CACFD1: variants seen among roughly 807,000 people sequenced by gnomAD.
CACFD1 encodes calcium channel flower homolog.
In CACFD1, 26 loss-of-function variants were observed where a neutral mutation model predicts 21.3. The observed-to-expected ratio is 1.22, with a 90% CI of 0.89 to 1.69. The LOEUF is 1.69. CACFD1 is among the 40% of genes most tolerant of loss of function. The probability of loss-of-function intolerance (pLI) is 0.00; values close to 1 mark genes in which losing one functional copy is unlikely to be tolerated. For synonymous variants in CACFD1, 121 were observed against 106.6 expected, an observed-to-expected ratio of 1.13 and a Z score of -0.83; for missense variants, 265 against 236.2, an observed-to-expected ratio of 1.12 and a Z score of -0.80.
In CACFD1 at chr9:133,461,344, C is replaced by T. The variant is rs182903379; in HGVS notation, c.121+1157C>T. Among the ~76,000 whole-genome samples the T allele has an allele frequency of 6.6e-5, 10 of 152,316 alleles. No homozygotes were observed. In the East Asian group the frequency reaches 7.7e-4, roughly 12 times the overall value. On this transcript the variant is annotated intron_variant, in intron 1 of 4. Transcript: ENST00000316948. ...TGCCCTTATCCAGAGGCAACGGATACGGTAGGGCAGGCCCTACCCCCAAAT... is the reference window on the plus strand; with the variant it reads ...TGCCCTTATCCAGAGGCAACGGATATGGTAGGGCAGGCCCTACCCCCAAAT...
rs187031873 is a variant in CACFD1, at chr9:133,466,188, C to T, written c.320+741C>T. On this transcript the variant is annotated intron_variant, in intron 3 of 4. Coordinates refer to ENST00000316948, the MANE Select transcript of CACFD1 (RefSeq NM_017586.5). Reference sequence around the variant, plus strand: ...GCCATCTTGTGCCATATCTAAATCACGAAGAACACAGGATCACAAAGCTCT... The same window carrying T: ...GCCATCTTGTGCCATATCTAAATCATGAAGAACACAGGATCACAAAGCTCT... Among the ~76,000 whole-genome samples, 14 of 152,200 alleles carry T rather than the reference C, an allele frequency of 9.2e-5. No homozygotes were observed. The East Asian group carries it at 2.5e-3, about 27-fold the overall frequency.
At chr9:133,464,483 A>C (rs1302437388) in intron 2 of CACFD1, among the ~76,000 whole-genome samples, 3 of 151,956 alleles carry the variant, frequency 2.0e-5, no homozygotes, top group Non-Finnish European at 4.4e-5. Flanking sequence ...GGGCGGGTGC[A>C]GTGGTTAAGA....
At chr9:133,462,065 A>G (rs1209101814) in intron 1 of CACFD1, 1 of 1,298,272 alleles carries the variant, frequency 7.7e-7, no homozygotes. Flanking sequence ...GACATCCTCC[A>G]GCCCTTTATT....
At position 133,463,499 on chromosome 9, in the gene CACFD1, C is replaced by T. The variant is rs1843303912; in HGVS notation, c.138C>T (p.Gly46=). ...VLGAVSCAIS[G]LFNCITIHPL... ...TGTTTCAAGCTTGCGCGATCTCTGGCCTCTTCAACTGCATCACCATCCACC... is the reference window on the plus strand; with the variant it reads ...TGTTTCAAGCTTGCGCGATCTCTGGTCTCTTCAACTGCATCACCATCCACC... The change falls in exon 2 of 5, where the codon GGC becomes GGT. Residue 46 remains glycine, a synonymous_variant. Coordinates refer to ENST00000316948, the MANE Select transcript of CACFD1 (RefSeq NM_017586.5). 6.2e-7 allele frequency: 1 copy of T among 1,614,104 alleles called. No individual in the cohort carries two copies. Among genetic ancestry groups the T allele is most frequent in the Non-Finnish European group, 8.5e-7 (1 of 1,179,996 alleles).
intron 1 of CACFD1, among the ~76,000 whole-genome samples, chr9:133,461,195 C>T (rs1240848048): frequency 6.6e-6 from 1 of 152,220 alleles, no homozygotes; most frequent in Non-Finnish European, 1.5e-5. Context: ...CATCAGCAAT[C>T]CTGCCAGAAG....
Position 133,465,357 on chromosome 9 carries a change from C to T in CACFD1, c.230C>T (p.Pro77Leu), listed in dbSNP as rs144881546. The change falls in exon 3 of 5, where the codon CCC (proline) becomes CTC (leucine). Residue 77 changes from proline to leucine, a missense_variant. Coordinates refer to ENST00000316948, the MANE Select transcript of CACFD1 (RefSeq NM_017586.5). This position sits in a 1 kb window ranked among gnomAD's most constrained non-coding sequence, Gnocchi z 5.0. ...NAFILLLCEA[P>L]FCCQFIEFAN... ...TTCATCTTGTTGCTGTGTGAGGCGC[C>T]CTTCTGCTGCCAGTTCATCGAGTTT... The T allele has an allele frequency of 1.9e-6, 3 of 1,613,960 alleles. No individual in the cohort carries two copies. The African/African-American group carries it at 4.0e-5, about 22-fold the overall frequency.
At chr9:133,467,568 G>A (rs781883832) in intron 3 of CACFD1, among the ~76,000 whole-genome samples, 12 of 152,314 alleles carry the variant, frequency 7.9e-5, no homozygotes, top group South Asian at 6.2e-4. Flanking sequence ...ACTTGCCCGC[G>A]AAGCTAGTAG....
At chr9:133,463,210 C>T (rs587753099) in intron 1 of CACFD1, among the ~76,000 whole-genome samples, 1 of 152,354 alleles carries the variant, frequency 6.6e-6, no homozygotes, top group Admixed American at 6.5e-5. Context: ...AGGGCCAGCT[C>T]CTCTGAGCCC....
rs1843556780 is a variant in CACFD1, at chr9:133,468,790, T to C, written c.*137T>C. The C allele has an allele frequency of 7.2e-7, 1 of 1,396,128 alleles. No homozygotes were observed. Among genetic ancestry groups the C allele is most frequent in the African/African-American group, 1.4e-5 (1 of 69,022 alleles). The allele number at this position is 1,396,128 out of a possible 1,614,324, so 86.5% of individuals were successfully genotyped here. ...CCCTACACCTGGAGTCCTCTGCTCC[T>C]TTCTCCAGACTGGCTTAAGCCAGGA... On this transcript the variant is annotated 3_prime_UTR_variant, in exon 5 of 5. Coordinates refer to ENST00000316948, the MANE Select transcript of CACFD1 (RefSeq NM_017586.5).
At position 133,465,217 on chromosome 9, in the gene CACFD1, A is replaced by AG. The variant is rs1265424317; in HGVS notation, c.195-103dup. The AG allele has an allele frequency of 3.0e-6, 4 of 1,332,552 alleles. No individual in the cohort carries two copies. The African/African-American group carries it at 4.3e-5, about 14-fold the overall frequency. The allele number at this position is 1,332,552 out of a possible 1,614,324, so 82.5% of individuals were successfully genotyped here. On this transcript the variant is annotated intron_variant, in intron 2 of 4. Coordinates refer to ENST00000316948, the MANE Select transcript of CACFD1 (RefSeq NM_017586.5). The surrounding 1 kb of genome is among the most constrained non-coding windows in gnomAD (Gnocchi z 5.0). ...TTCCCAGAGGAGGAGGGATGAGGGC[A>AG]GGAGGGTGAGGGAGGTGGCATTCCT...
chr9:133,460,931 C>T (rs1352306241), intron 1 of CACFD1, among the ~76,000 whole-genome samples: 1 of 152,242 alleles, frequency 6.6e-6, no homozygotes, highest in Non-Finnish European at 1.5e-5. Flanking sequence ...GGAAGCTAGG[C>T]TCTTAAGCAC....
chr9:133,460,022 CCGAGCCCTTTG>C lies in CACFD1; in HGVS notation c.-44_-34del. On this transcript the variant is annotated 5_prime_UTR_variant, in exon 1 of 5. Transcript: ENST00000316948. Reference sequence around the variant, plus strand: ...GCGCCGGCTCGGACGCGGCCGGCTACCGAGCCCTTTGTGAGGGCTGTGAGCTGCGCCTGACG... The same window carrying C: ...GCGCCGGCTCGGACGCGGCCGGCTACTGAGGGCTGTGAGCTGCGCCTGACG... 1 of 1,501,498 alleles carries C rather than the reference CCGAGCCCTTTG, an allele frequency of 6.7e-7. No homozygotes were observed. Among genetic ancestry groups the C allele is most frequent in the Non-Finnish European group, 8.9e-7 (1 of 1,125,758 alleles). The allele number at this position is 1,501,498 out of a possible 1,614,324, so 93.0% of individuals were successfully genotyped here.
intron 4 of CACFD1, 192 bp downstream of exon 4, chr9:133,468,220 G>T (rs1554799968): frequency 2.4e-6 from 3 of 1,264,854 alleles, no homozygotes; most frequent in Non-Finnish European, 3.2e-6. Context: ...CTTCTGCGTG[G>T]CCCAGTCTTG....
intron 1 of CACFD1, among the ~76,000 whole-genome samples, chr9:133,460,854 C>G (rs887053337): frequency 1.3e-5 from 2 of 152,196 alleles, no homozygotes; most frequent in Non-Finnish European, 2.9e-5. Context: ...CCTTAGCCGC[C>G]TGTCACCGGC....
At chr9:133,461,269 G>C (rs1843203968) in intron 1 of CACFD1, among the ~76,000 whole-genome samples, 1 of 152,212 alleles carries the variant, frequency 6.6e-6, no homozygotes, top group African/African-American at 2.4e-5. Flanking sequence ...GGTGGAGGGA[G>C]GTTGAGGCAG....
chr9:133,460,233 C>T (rs1843085216), intron 1 of CACFD1, 46 bp downstream of exon 1: 4 of 1,475,966 alleles, frequency 2.7e-6, no homozygotes, highest in South Asian at 1.3e-5. Flanking sequence ...CGCGCATGCG[C>T]TCCTCGCCCT....
chr9:133,464,799 A>G (rs1554799207), intron 2 of CACFD1, among the ~76,000 whole-genome samples: 1 of 152,132 alleles, frequency 6.6e-6, no homozygotes. Context: ...GGCCGGTGGC[A>G]TCAGGTGTGT....
chr9:133,460,208 A>G, intron 1 of CACFD1, 21 bp downstream of exon 1: 1 of 1,513,008 alleles, frequency 6.6e-7, no homozygotes, highest in Non-Finnish European at 8.8e-7. Flanking sequence ...AGTCGGGGAG[A>G]GGGGCCGGCC....
chr9:133,460,471 C>CGGCGGG (rs55944944), intron 1 of CACFD1, among the ~76,000 whole-genome samples: 50,414 of 125,692 alleles, frequency 0.4, 10,361 homozygotes, highest in East Asian at 0.77. Context: ...GGCGGGGGGG[C>CGGCGGG]GGCGGGGGCG....
Sources: gnomAD v4.1 joint callset for allele counts (sites outside exome capture counted in the v4.1 genomes callset) on GRCh38, gnomAD v4.1.1 for gene constraint, Gnocchi (gnomAD v3.1) non-coding constraint, MANE v1.5 for transcripts, NCBI Gene and HGNC (gene_info 2026-07-23, HGNC 2026-07-21) for gene names.